RASA1: variants seen among roughly 807,000 people sequenced by gnomAD.
RASA1 encodes the protein ras GTPase-activating protein 1.
A neutral mutation model predicts 132.2 loss-of-function variants in RASA1; 25 were observed. That is an observed-to-expected ratio of 0.19 (90% CI 0.14 to 0.26). The LOEUF (loss-of-function observed/expected upper bound fraction) is 0.26, where lower values mean the gene tolerates loss of function less well. Among genes scored for constraint, RASA1 ranks in the 10% least tolerant of loss-of-function variants. The pLI is 1.00. For synonymous variants in RASA1, 477 were observed against 449.9 expected, an observed-to-expected ratio of 1.06 and a Z score of -0.76; for missense variants, 964 against 1,299.2, an observed-to-expected ratio of 0.74 and a Z score of 3.97.
At chr5:87,273,126 A>T (rs1449600654) in intron 1 of RASA1, among the ~76,000 whole-genome samples, 2 of 152,154 alleles carry the variant, frequency 1.3e-5, no homozygotes, top group Non-Finnish European at 2.9e-5. Flanking sequence ...GAGTCAAATG[A>T]CAATATGTAG....
intron 1 of RASA1, among the ~76,000 whole-genome samples, chr5:87,295,188 G>A (rs925828679): frequency 1.3e-5 from 2 of 152,046 alleles, no homozygotes; most frequent in African/African-American, 4.8e-5. Flanking sequence ...CGTTAGCGTG[G>A]TGTATCTTTC....
intron 1 of RASA1, among the ~76,000 whole-genome samples, chr5:87,286,027 G>C (rs1039540112): frequency 1.3e-5 from 2 of 150,028 alleles, no homozygotes; most frequent in South Asian, 2.1e-4. Context: ...TTTTGTGATG[G>C]AGTTTCGCTC....
intron 20 of RASA1, among the ~76,000 whole-genome samples, chr5:87,381,745 T>G (rs936222082): frequency 2.0e-5 from 3 of 152,216 alleles, no homozygotes; most frequent in African/African-American, 4.8e-5. Context: ...AAATTAAAAC[T>G]GTTCTATAAA....
intron 9 of RASA1, among the ~76,000 whole-genome samples, chr5:87,355,956 A>G (rs1314417613): frequency 6.6e-6 from 1 of 152,182 alleles, no homozygotes; most frequent in Admixed American, 6.6e-5. Flanking sequence ...GATGTGACTG[A>G]ATTACTCCAC....
At chr5:87,364,909 A>G (rs1760390185) in intron 11 of RASA1, among the ~76,000 whole-genome samples, 1 of 152,176 alleles carries the variant, frequency 6.6e-6, no homozygotes, top group African/African-American at 2.4e-5. Flanking sequence ...TTTTGTGCCT[A>G]GATCTGTTGC....
At chr5:87,301,415 T>C (rs914161559) in intron 1 of RASA1, among the ~76,000 whole-genome samples, 2 of 150,774 alleles carry the variant, frequency 1.3e-5, no homozygotes, top group East Asian at 3.8e-4. Flanking sequence ...AACAAGTGGG[T>C]GTACCTGTGT....
chr5:87,290,062 C>T (rs1754848431), intron 1 of RASA1, among the ~76,000 whole-genome samples: 1 of 152,174 alleles, frequency 6.6e-6, no homozygotes, highest in African/African-American at 2.4e-5. Context: ...GAGCAGTCAT[C>T]TTGACTTTTG....
rs769536642 is a variant in RASA1, at chr5:87,374,273, T to C, written c.1887T>C (p.His629=). Residue 629 remains histidine, a synonymous_variant, in exon 14 of 25, where the codon CAT becomes CAC. Transcript: ENST00000274376. ...ATAGTGTCCAAGTAGCAAAAACTCA[T>C]GCAAGGGAAGGGCAAAACCCAGTAT... ...YLNSVQVAKT[H]AREGQNPVWS... is the part of the protein sequence containing the mutation. 2.5e-6 allele frequency: 4 copies of C among 1,605,350 alleles called. No individual in the cohort carries two copies. The highest frequency in any genetic ancestry group is 3.4e-6 in the Non-Finnish European group (4 of 1,175,020).
At chr5:87,380,014 C>T (rs1236314735) in intron 19 of RASA1, among the ~76,000 whole-genome samples, 164 bp downstream of exon 19, 2 of 152,126 alleles carry the variant, frequency 1.3e-5, no homozygotes, top group Admixed American at 1.3e-4. Context: ...AAATAGCTGT[C>T]TTAATAAAAC....
At chr5:87,295,463 T>G (rs1453726487) in intron 1 of RASA1, among the ~76,000 whole-genome samples, 3 of 151,216 alleles carry the variant, frequency 2.0e-5, no homozygotes, top group African/African-American at 7.3e-5. Flanking sequence ...ATGATTTCAT[T>G]TTTCTCTCAT....
In RASA1 at chr5:87,267,972, G is replaced by A; in HGVS notation, c.-480G>A. On this transcript the variant is annotated 5_prime_UTR_variant, in exon 1 of 25. Transcript: ENST00000274376. ...TCTTGCCCCCCCACCCCTCTCATCT[G>A]CCTGGTGGAGGATGAAGCGGCTGCA... The A allele has an allele frequency of 2.5e-6, 1 of 397,644 alleles. No homozygotes were observed. Among genetic ancestry groups the A allele is most frequent in the East Asian group, 3.6e-5 (1 of 27,560 alleles). The allele number at this position is 397,644 out of a possible 1,614,324, so 24.6% of individuals were successfully genotyped here.
At chr5:87,288,716 C>G (rs1261146625) in intron 1 of RASA1, among the ~76,000 whole-genome samples, 1 of 151,518 alleles carries the variant, frequency 6.6e-6, no homozygotes, top group East Asian at 1.9e-4. Flanking sequence ...TTTTTTGGGT[C>G]CAGATTGCAT....
intron 15 of RASA1, 169 bp from the exon 16 acceptor site, chr5:87,376,224 G>C: frequency 1.3e-6 from 1 of 748,352 alleles, no homozygotes; most frequent in East Asian, 2.7e-5. Flanking sequence ...GTGCACCGTA[G>C]ACACTCAGTA....
At chr5:87,389,978 C>T (rs1377959386) in intron 24 of RASA1, among the ~76,000 whole-genome samples, 1 of 152,084 alleles carries the variant, frequency 6.6e-6, no homozygotes, top group Non-Finnish European at 1.5e-5. Flanking sequence ...GAAGTGTGGC[C>T]TTGAAAGCTG....
intron 1 of RASA1, among the ~76,000 whole-genome samples, chr5:87,324,368 A>G (rs1383115694): frequency 6.6e-6 from 1 of 151,780 alleles, no homozygotes; most frequent in Non-Finnish European, 1.5e-5. Flanking sequence ...TCCCTTCGTT[A>G]TCTGTTTACT....
Position 87,268,593 on chromosome 5 carries a change from C to T in RASA1, c.142C>T (p.Pro48Ser), listed in dbSNP as rs751164456. ...CGCGGCCCTGCCTGTGGCAGCCGCCCCCTATCCTGGGCTGGTGGAGACCGG... is the reference window on the plus strand; with the variant it reads ...CGCGGCCCTGCCTGTGGCAGCCGCCTCCTATCCTGGGCTGGTGGAGACCGG... The part of the protein sequence containing the change: ...IPAALPVAAA[P>S]YPGLVETGVA... Residue 48 changes from proline (P) to serine (S), a missense_variant, in exon 1 of 25, where the codon CCC becomes TCC. Pro to Ser is a moderately conservative substitution (Grantham distance 74, BLOSUM62 -1). Transcript: ENST00000274376. 20 of 1,611,002 alleles carry T rather than the reference C, an allele frequency of 1.2e-5. No individual in the cohort carries two copies. The South Asian group carries it at 2.2e-4, about 18-fold the overall frequency.
chr5:87,336,371 G>GA (rs1161035496), intron 4 of RASA1, among the ~76,000 whole-genome samples: 88 of 144,330 alleles, frequency 6.1e-4, no homozygotes, highest in East Asian at 2.2e-3. Flanking sequence ...AGACCAAAAA[G>GA]AAAAAAAAAA....
chr5:87,276,208 T>G (rs1173197096), intron 1 of RASA1, among the ~76,000 whole-genome samples: 2 of 152,116 alleles, frequency 1.3e-5, no homozygotes, highest in Non-Finnish European at 2.9e-5. Flanking sequence ...GCAAGCTAAG[T>G]TGTCTTTTGT....
rs970027615 is a variant in RASA1 at position 87,279,060 on chromosome 5, A to G, written c.539+10070A>G. On this transcript the variant is annotated intron_variant, in intron 1 of 24. Transcript: ENST00000274376. ...GGAGTTCAAGACCAGCCTGGGCAAC[A>G]TGGCGAAACCTTGTCTCTACAAAAA... is the stretch of plus-strand genomic sequence containing the variant. Among the ~76,000 whole-genome samples the G allele has an allele frequency of 3.3e-5, 5 of 151,902 alleles. No individual in the cohort carries two copies. The East Asian group carries it at 7.7e-4, about 23-fold the overall frequency.
Sources: allele counts gnomAD v4.1 joint callset (sites outside exome capture counted in the v4.1 genomes callset), GRCh38; gene constraint gnomAD v4.1.1; transcripts MANE v1.5; gene names NCBI Gene and HGNC (gene_info 2026-07-23, HGNC 2026-07-21).